TBR1: variants seen among roughly 807,000 people sequenced by gnomAD.
TBR1 encodes T-box brain protein 1.
Under a neutral mutation model 60.3 loss-of-function variants are expected in TBR1, and 7 were observed. That is an observed-to-expected ratio of 0.12 (90% CI 0.07 to 0.22). The LOEUF (loss-of-function observed/expected upper bound fraction) is 0.22. TBR1 is among the 10% of genes least tolerant of loss of function. The pLI, the probability that TBR1 is intolerant of heterozygous loss-of-function variation, is 1.00. For missense variants in TBR1, 616 were observed against 936.8 expected, an observed-to-expected ratio of 0.66 and a Z score of 4.47; for synonymous variants, 417 against 409.9, an observed-to-expected ratio of 1.02 and a Z score of -0.21.
chr2:161,416,397 C>G lies in TBR1; in HGVS notation c.-14C>G, dbSNP rs1559059714. Reference sequence around the variant, plus strand: ...AACCAGGGACGGGAGGGCGAGTGTTCAGGTTCTAGAGCTATGCAGCTGGAG... The same window carrying G: ...AACCAGGGACGGGAGGGCGAGTGTTGAGGTTCTAGAGCTATGCAGCTGGAG... On this transcript the variant is annotated 5_prime_UTR_variant, in exon 1 of 6. Coordinates refer to ENST00000389554, the MANE Select transcript of TBR1 (RefSeq NM_006593.4). The surrounding 1 kb of genome is among the most constrained non-coding windows in gnomAD (Gnocchi z 6.1). 6 of 1,547,312 alleles carry G rather than the reference C, an allele frequency of 3.9e-6. No individual in the cohort carries two copies. The highest frequency in any genetic ancestry group is 4.3e-6 in the Non-Finnish European group (5 of 1,149,596).
intron 5 of TBR1, 158 bp downstream of exon 5, chr2:161,420,415 C>CT (rs1318718499): frequency 2.4e-4 from 45 of 188,760 alleles, no homozygotes; most frequent in Non-Finnish European, 3.9e-4. Context: ...TCTTCTTCCT[C>CT]TTCTTTTTTT....
At position 161,416,754 on chromosome 2, in the gene TBR1, C is replaced by G. The variant is rs1271000766; in HGVS notation, c.344C>G (p.Ser115Cys). 1 of 1,614,064 alleles carries G rather than the reference C, an allele frequency of 6.2e-7. No individual in the cohort carries two copies. Among genetic ancestry groups the G allele is most frequent in the Admixed American group, 1.7e-5 (1 of 60,010 alleles). ...CTCTCTCAGTCCAGCCAGCCACAGTCTGCGGCCACTGCTCCCAGTGCCATG... is the reference window on the plus strand; with the variant it reads ...CTCTCTCAGTCCAGCCAGCCACAGTGTGCGGCCACTGCTCCCAGTGCCATG... ...YLLSQSSQPQSAATAPSAMFP... is the reference protein window; with the variant it reads ...YLLSQSSQPQCAATAPSAMFP... The change falls in exon 1 of 6, where the codon TCT (serine) becomes TGT (cysteine). Residue 115 changes from serine to cysteine, a missense_variant. This residue lies in a region of TBR1 where 211 missense variants were observed against 268.7 expected (regional missense o/e 0.79). Coordinates refer to ENST00000389554, the MANE Select transcript of TBR1 (RefSeq NM_006593.4). The surrounding 1 kb of genome is among the most constrained non-coding windows in gnomAD (Gnocchi z 6.1).
rs561070441 is a variant in TBR1 at position 161,424,392 on chromosome 2, T to C, written c.*165T>C. On this transcript the variant is annotated 3_prime_UTR_variant, in exon 6 of 6. Coordinates refer to ENST00000389554, the MANE Select transcript of TBR1 (RefSeq NM_006593.4). The surrounding 1 kb of genome is among the most constrained non-coding windows in gnomAD (Gnocchi z 4.4). ...TAAGTGCAGGTCTCCGAGCGTGATT[T>C]TAACCTTTTTTGCACAGCAGTCTCT... is the stretch of plus-strand genomic sequence containing the variant. 3.6e-5 allele frequency: 28 copies of C among 788,670 alleles called. No individual in the cohort carries two copies. Among genetic ancestry groups the C allele is most frequent in the Admixed American group, 1.8e-4 (6 of 33,278 alleles). The allele number at this position is 788,670 out of a possible 1,614,324, so 48.9% of individuals were successfully genotyped here.
intron 5 of TBR1, chr2:161,422,014 C>T (rs1684240312): frequency 6.6e-6 from 1 of 152,144 alleles, no homozygotes; most frequent in Non-Finnish European, 1.5e-5. Flanking sequence ...GTTCATGACA[C>T]TCTTCCTTTC....
At position 161,423,875 on chromosome 2, in the gene TBR1, C is replaced by G; in HGVS notation, c.1697C>G (p.Pro566Arg). The G allele has an allele frequency of 1.4e-6, 2 of 1,383,176 alleles. No homozygotes were observed. The highest frequency in any genetic ancestry group is 1.9e-6 in the Non-Finnish European group (2 of 1,072,254). The allele number at this position is 1,383,176 out of a possible 1,614,324, so 85.7% of individuals were successfully genotyped here. Residue 566 changes from proline (P) to arginine (R), a missense_variant, in exon 6 of 6, where the codon CCC becomes CGC. By Grantham distance (103) the Pro-to-Arg change is moderately radical. Coordinates refer to ENST00000389554, the MANE Select transcript of TBR1 (RefSeq NM_006593.4). ...TKSGSVLPCW[P>R]NSAAAAARMA... The stretch of plus-strand genomic sequence containing the variant: ...TCGGGCTCGGTGCTGCCCTGCTGGC[C>G]CAACAGCGCCGCGGCCGCCGCGCGC...
rs1684304562 is a variant in TBR1, at chr2:161,425,430, C to T, written c.*1203C>T. On this transcript the variant is annotated 3_prime_UTR_variant, in exon 6 of 6. Coordinates refer to ENST00000389554, the MANE Select transcript of TBR1 (RefSeq NM_006593.4). Reference sequence around the variant, plus strand: ...ATTTTAGTTTTGAAAATGACTTCCCCACCACCTAGAAACAGCTGAAATTTG... The same window carrying T: ...ATTTTAGTTTTGAAAATGACTTCCCTACCACCTAGAAACAGCTGAAATTTG... 6.6e-6 allele frequency: 1 copy of T among 152,032 alleles called. No individual in the cohort carries two copies. Among genetic ancestry groups the T allele is most frequent in the Admixed American group, 6.6e-5 (1 of 15,256 alleles). The allele number at this position is 152,032 out of a possible 1,614,324, so 9.4% of individuals were successfully genotyped here. A position where few individuals can be genotyped will look rare whatever the true frequency, so the allele number is the denominator to read the frequency against.
chr2:161,417,161 G>C lies in TBR1; in HGVS notation c.692+59G>C, dbSNP rs1649598319. ...GCGCAGCCGGGGACAAGTGCACCTA[G>C]GCTGTGACTGCCGCGGCAGCGACGA... is the stretch of plus-strand genomic sequence containing the variant. On this transcript the variant is annotated intron_variant, in intron 1 of 5. Coordinates refer to ENST00000389554, the MANE Select transcript of TBR1 (RefSeq NM_006593.4). This position sits in a 1 kb window ranked among gnomAD's most constrained non-coding sequence, Gnocchi z 5.3. 10 of 1,491,590 alleles carry C rather than the reference G, an allele frequency of 6.7e-6. No homozygotes were observed. The highest frequency in any genetic ancestry group is 9.0e-6 in the Non-Finnish European group (10 of 1,113,700). 92.4% of individuals were successfully genotyped at this position (1,491,590 alleles called of 1,614,324 possible).
At position 161,417,442 on chromosome 2, in the gene TBR1, C is replaced by T. The variant is rs115141916; in HGVS notation, c.693-234C>T. 3.3e-6 allele frequency: 2 copies of T among 605,532 alleles called. No individual in the cohort carries two copies. 37.5% of individuals were successfully genotyped at this position (605,532 alleles called of 1,614,324 possible). On this transcript the variant is annotated intron_variant, in intron 1 of 5. Transcript: ENST00000389554. The surrounding 1 kb of genome is among the most constrained non-coding windows in gnomAD (Gnocchi z 5.3). ...CGCAGGTCGCCAACCTCGCTCTCCA[C>T]CTGGGCAGTGATAACTGCCACCTTC...
intron 3 of TBR1, chr2:161,418,686 G>T: frequency 1.5e-6 from 1 of 687,024 alleles, no homozygotes; most frequent in South Asian, 2.1e-5. Context: ...CCGGTGCCCC[G>T]GCTTATCTTC....
chr2:161,420,143 C>T, intron 4 of TBR1, 53 bp from the exon 5 acceptor site: 1 of 1,483,516 alleles, frequency 6.7e-7, no homozygotes, highest in Non-Finnish European at 9.4e-7. Flanking sequence ...TTCTCAAACA[C>T]CCAGTCTTCA....
In TBR1 at chr2:161,423,535, C is replaced by G. The variant is rs1684269670; in HGVS notation, c.1357C>G (p.Pro453Ala). The stretch of plus-strand genomic sequence containing the variant: ...CTTCCACCCGGGCGCGGGCGCGGGC[C>G]CCGGGCCGGGTACGGACCGCAGCGT... ...ARFHPGAGAG[P>A]GPGTDRSVPH... Residue 453 changes from proline (P) to alanine (A), a missense_variant, in exon 6 of 6, where the codon CCC becomes GCC. Physicochemically the swap from Pro to Ala is conservative, Grantham distance 27 (BLOSUM62 -1). Transcript: ENST00000389554. 5 of 1,578,040 alleles carry G rather than the reference C, an allele frequency of 3.2e-6. No individual in the cohort carries two copies. The highest frequency in any genetic ancestry group is 4.3e-6 in the Non-Finnish European group (5 of 1,165,270).
At position 161,423,867 on chromosome 2, in the gene TBR1, CTG is replaced by C; in HGVS notation, c.1690_1691del (p.Cys564LeufsTer109). The C allele has an allele frequency of 7.1e-7, 1 of 1,406,562 alleles. No individual in the cohort carries two copies. Among genetic ancestry groups the C allele is most frequent in the Non-Finnish European group, 9.2e-7 (1 of 1,082,684 alleles). 87.1% of individuals were successfully genotyped at this position (1,406,562 alleles called of 1,614,324 possible). On this transcript the variant is annotated frameshift_variant, in exon 6 of 6. Transcript: ENST00000389554. LOFTEE classifies it high-confidence loss of function. ...CGTKSGSVLP[C>X]WPNSAAAAAR... Reference sequence around the variant, plus strand: ...GCACCAAGTCGGGCTCGGTGCTGCCCTGCTGGCCCAACAGCGCCGCGGCCGCC... The same window carrying C: ...GCACCAAGTCGGGCTCGGTGCTGCCCCTGGCCCAACAGCGCCGCGGCCGCC...
chr2:161,417,144 G>T lies in TBR1; in HGVS notation c.692+42G>T. ...GGCTGCCGCTGCTCTAGGCGCAGCC[G>T]GGGACAAGTGCACCTAGGCTGTGAC... On this transcript the variant is annotated intron_variant, in intron 1 of 5. Transcript: ENST00000389554. The surrounding 1 kb of genome is among the most constrained non-coding windows in gnomAD (Gnocchi z 5.3). 1.3e-6 allele frequency: 2 copies of T among 1,530,900 alleles called. No homozygotes were observed. Among genetic ancestry groups the T allele is most frequent in the Non-Finnish European group, 8.8e-7 (1 of 1,136,630 alleles). The allele number at this position is 1,530,900 out of a possible 1,614,324, so 94.8% of individuals were successfully genotyped here.
At chr2:161,419,369 T>A (rs145769326) in intron 4 of TBR1, 120 of 196,608 alleles carry the variant, frequency 6.1e-4, no homozygotes, top group African/African-American at 2.6e-3. Flanking sequence ...AAATCTACTT[T>A]AAAAAAAAAT....
In TBR1 at chr2:161,419,008, T is replaced by C; in HGVS notation, c.1086T>C (p.Pro362=). The C allele has an allele frequency of 6.2e-7, 1 of 1,614,212 alleles. No homozygotes were observed. The highest frequency in any genetic ancestry group is 2.2e-5 in the East Asian group (1 of 44,882). ...QPGRVQTFTF[P]ETQFIAVTAY... ...GCCGCGTGCAGACGTTCACTTTCCCTGAGACTCAGTTCATCGCCGTCACCG... is the reference window on the plus strand; with the variant it reads ...GCCGCGTGCAGACGTTCACTTTCCCCGAGACTCAGTTCATCGCCGTCACCG... The change falls in exon 4 of 6, where the codon CCT becomes CCC. Residue 362 remains proline (P), a synonymous_variant. Transcript: ENST00000389554.
Position 161,424,191 on chromosome 2 carries a change from C to T in TBR1, c.2013C>T (p.Asp671=). 19 of 1,610,158 alleles carry T rather than the reference C, an allele frequency of 1.2e-5. No homozygotes were observed. Among genetic ancestry groups the T allele is most frequent in the Non-Finnish European group, 1.6e-5 (19 of 1,177,990 alleles). ...QRDCEKNCAK[D]ISGYYGFYSH... ...ACTGCGAGAAGAACTGCGCCAAGGA[C>T]ATTAGCGGCTACTATGGCTTCTACT... The change falls in exon 6 of 6, where the codon GAC becomes GAT. Residue 671 remains aspartate, a synonymous_variant. Transcript: ENST00000389554. The surrounding 1 kb of genome is among the most constrained non-coding windows in gnomAD (Gnocchi z 4.4).
intron 3 of TBR1, 81 bp downstream of exon 3, chr2:161,418,403 T>G: frequency 6.6e-7 from 1 of 1,524,454 alleles, no homozygotes; most frequent in Non-Finnish European, 8.8e-7. Flanking sequence ...TAAAGCAGCA[T>G]ATGGAACTGG....
chr2:161,420,418 C>T (rs68043222), intron 5 of TBR1, 161 bp downstream of exon 5: 1,279 of 95,294 alleles, frequency 0.013, 72 homozygotes, highest in Non-Finnish European at 0.016. Context: ...TCTTCCTCTT[C>T]TTTTTTTTTT....
Position 161,417,242 on chromosome 2 carries a change from G to T in TBR1, c.692+140G>T, listed in dbSNP as rs1012602227. 4.6e-6 allele frequency: 4 copies of T among 873,820 alleles called. No homozygotes were observed. In the African/African-American group the frequency reaches 5.1e-5, roughly 11 times the overall value. 54.1% of individuals were successfully genotyped at this position (873,820 alleles called of 1,614,324 possible). On this transcript the variant is annotated intron_variant, in intron 1 of 5. Transcript: ENST00000389554. This position sits in a 1 kb window ranked among gnomAD's most constrained non-coding sequence, Gnocchi z 5.3. The stretch of plus-strand genomic sequence containing the variant: ...CTAGAGTTGGCTAGTTTTGGAAAGG[G>T]GGAAAGTGGAAGGGATAACCGCCAG...
Sources: gnomAD v4.1 joint callset for allele counts on GRCh38, gnomAD v4.1.1 for gene constraint, gnomAD v4.1.1 regional missense constraint, Gnocchi (gnomAD v3.1) non-coding constraint, MANE v1.5 for transcripts, NCBI Gene and HGNC (gene_info 2026-07-23, HGNC 2026-07-21) for gene names.